The following CDH4 variants were observed in gnomAD, a reference collection of about 807,000 sequenced individuals.
CDH4 encodes the protein cadherin 4.
A neutral mutation model predicts 86.0 loss-of-function variants in CDH4; 33 were observed. The ratio of observed to expected loss-of-function variants is 0.38; its 90% CI spans 0.29 to 0.51. The LOEUF (loss-of-function observed/expected upper bound fraction) is 0.51. Ranked by LOEUF, CDH4 falls within the 20% of genes least tolerant of loss-of-function variation. The pLI is 0.86. For missense variants in CDH4, 1,114 were observed against 1,307.4 expected (o/e 0.85, Z 2.28); for synonymous variants, 555 against 549.4 (o/e 1.01, Z -0.14).
chr20:61,892,710 A>G (rs1003178147), intron 7 of CDH4, among the ~76,000 whole-genome samples: 3 of 152,216 alleles, frequency 2.0e-5, no homozygotes, highest in Non-Finnish European at 4.4e-5. Flanking sequence ...GCCTAAAACA[A>G]CCACCATTTA....
intron 7 of CDH4, among the ~76,000 whole-genome samples, chr20:61,876,190 C>T (rs932230671): frequency 1.3e-5 from 2 of 152,246 alleles, no homozygotes; most frequent in Admixed American, 1.3e-4. Context: ...TCTGGGATGG[C>T]CCCTTGCAGG....
At position 61,516,195 on chromosome 20, in the gene CDH4, C is replaced by T. The variant is rs1473743408; in HGVS notation, c.170-227368C>T. 6.6e-6 allele frequency among the ~76,000 whole-genome samples: 1 copy of T among 152,180 alleles called. No individual in the cohort carries two copies. The highest frequency in any genetic ancestry group is 2.4e-5 in the African/African-American group (1 of 41,438). ...AGGGGACGCTGGCCACCTCTCTTAC[C>T]CTAGAAGCTGCGGCAGGTGTCCGCC... is the stretch of plus-strand genomic sequence containing the variant. On this transcript the variant is annotated intron_variant, in intron 2 of 15. Coordinates refer to ENST00000614565, the MANE Select transcript of CDH4 (RefSeq NM_001794.5). The surrounding 1 kb of genome is among the most constrained non-coding windows in gnomAD (Gnocchi z 4.0).
Position 61,756,976 on chromosome 20 carries a change from G to A in CDH4, c.396+13187G>A, listed in dbSNP as rs114345750. Among the ~76,000 whole-genome samples, 1,479 of 152,320 alleles carry A rather than the reference G, an allele frequency of 9.7e-3. 9 individuals carry two copies. The highest frequency in any genetic ancestry group is 0.028 in the South Asian group (136 of 4,828). ...TCTCCCAAAAGGTGGCCCTCAACGG[G>A]ACTGAAAAACAGCAATTCTAGAATA... On this transcript the variant is annotated intron_variant, in intron 3 of 15. Transcript: ENST00000614565.
intron 2 of CDH4, among the ~76,000 whole-genome samples, chr20:61,735,746 A>G (rs2145931693): frequency 6.6e-6 from 1 of 152,154 alleles, no homozygotes; most frequent in East Asian, 1.9e-4. Flanking sequence ...CTTCCCTGAC[A>G]TTCCTCTCTT....
At chr20:61,363,901 G>A (rs1323468610) in intron 2 of CDH4, among the ~76,000 whole-genome samples, 1 of 152,184 alleles carries the variant, frequency 6.6e-6, no homozygotes, top group African/African-American at 2.4e-5. Flanking sequence ...AGTAGAACCC[G>A]TACTATGATA....
At chr20:61,474,470 G>A (rs1004245859) in intron 2 of CDH4, among the ~76,000 whole-genome samples, 35 of 151,652 alleles carry the variant, frequency 2.3e-4, no homozygotes, top group African/African-American at 8.0e-4. Flanking sequence ...CCACTGCACC[G>A]GCCAGAATAG....
chr20:61,254,423 G>A (rs1440330895), intron 1 of CDH4, among the ~76,000 whole-genome samples: 1 of 152,234 alleles, frequency 6.6e-6, no homozygotes, highest in Non-Finnish European at 1.5e-5. Context: ...CCTAAAGCGC[G>A]AATGGTCTGA....
chr20:61,430,883 T>C (rs2085242562), intron 2 of CDH4, among the ~76,000 whole-genome samples: 1 of 152,248 alleles, frequency 6.6e-6, no homozygotes, highest in Non-Finnish European at 1.5e-5. Context: ...AAGGAGCCTG[T>C]GTGTCCATTG....
intron 2 of CDH4, among the ~76,000 whole-genome samples, chr20:61,699,708 A>G (rs1014325518): frequency 6.6e-6 from 1 of 152,110 alleles, no homozygotes; most frequent in African/African-American, 2.4e-5. Context: ...CTGAAGACAA[A>G]TTAGAGGGGA....
intron 2 of CDH4, among the ~76,000 whole-genome samples, chr20:61,686,431 ATG>A (rs1568755387): frequency 6.9e-6 from 1 of 144,750 alleles, no homozygotes; most frequent in African/African-American, 2.6e-5. Flanking sequence ...TTGCGTGTGT[ATG>A]TGCGTGTGCG....
At chr20:61,693,231 T>C (rs1409836295) in intron 2 of CDH4, among the ~76,000 whole-genome samples, 2 of 152,152 alleles carry the variant, frequency 1.3e-5, no homozygotes, top group African/African-American at 2.4e-5. Flanking sequence ...GATGCTTTCC[T>C]GTGATGAAGG....
Position 61,709,098 on chromosome 20 carries a change from C to T in CDH4, c.170-34465C>T, listed in dbSNP as rs1436708762. On this transcript the variant is annotated intron_variant, in intron 2 of 15. Transcript: ENST00000614565. This position sits in a 1 kb window ranked among gnomAD's most constrained non-coding sequence, Gnocchi z 4.8. ...GGACACTGGCTGAGTTCACATCACC[C>T]CAAAGCCTCGGGTCCCAGTGGCGTA... Among the ~76,000 whole-genome samples, 1 of 152,130 alleles carries T rather than the reference C, an allele frequency of 6.6e-6. No individual in the cohort carries two copies. The highest frequency in any genetic ancestry group is 2.4e-5 in the African/African-American group (1 of 41,430).
chr20:61,851,277 G>A (rs893077350), intron 5 of CDH4, among the ~76,000 whole-genome samples: 1 of 152,216 alleles, frequency 6.6e-6, no homozygotes, highest in African/African-American at 2.4e-5. Flanking sequence ...GCCTCTTTGG[G>A]TAAAGCCAGC....
In CDH4 at chr20:61,739,477, CAA is replaced by C. The variant is rs2088307031; in HGVS notation, c.170-4082_170-4081del. The stretch of plus-strand genomic sequence containing the variant: ...CCAGGTACGAAGCCAGGGAATGAAA[CAA>C]AAACAGGTGATGTGAGGGGAGGGGT... On this transcript the variant is annotated intron_variant, in intron 2 of 15. Transcript: ENST00000614565. Among the ~76,000 whole-genome samples, 11 of 152,252 alleles carry C rather than the reference CAA, an allele frequency of 7.2e-5. 1 individual carries two copies. The South Asian group carries it at 2.1e-3, about 29-fold the overall frequency.
At chr20:61,920,754 G>A (rs1227615767) in intron 9 of CDH4, among the ~76,000 whole-genome samples, 1 of 151,536 alleles carries the variant, frequency 6.6e-6, no homozygotes, top group African/African-American at 2.4e-5. Flanking sequence ...TTGCATGGAA[G>A]CATGGTGTCA....
intron 1 of CDH4, among the ~76,000 whole-genome samples, chr20:61,254,289 C>CCGGCT (rs1443435268): frequency 1.3e-5 from 2 of 152,230 alleles, no homozygotes; most frequent in Admixed American, 1.3e-4. Context: ...CCTTCTTCGA[C>CCGGCT]CGGCTCCGGA....
At chr20:61,456,583 C>T (rs1260243237) in intron 2 of CDH4, among the ~76,000 whole-genome samples, 6 of 152,142 alleles carry the variant, frequency 3.9e-5, no homozygotes, top group South Asian at 2.1e-4. Flanking sequence ...GTGCTGGGGT[C>T]GGGAAACTCT....
chr20:61,803,270 G>T (rs571332171), intron 4 of CDH4, among the ~76,000 whole-genome samples: 3 of 152,286 alleles, frequency 2.0e-5, no homozygotes, highest in Non-Finnish European at 4.4e-5. Context: ...CAATCCGCCC[G>T]GGCTGGCAGT....
At chr20:61,640,042 T>C (rs2086988750) in intron 2 of CDH4, among the ~76,000 whole-genome samples, 1 of 152,166 alleles carries the variant, frequency 6.6e-6, no homozygotes, top group African/African-American at 2.4e-5. Context: ...GGAGAGCTGA[T>C]GGGAAAAAGA....
Sources: gnomAD v4.1 joint callset for allele counts (sites outside exome capture counted in the v4.1 genomes callset) on GRCh38, gnomAD v4.1.1 for gene constraint, Gnocchi (gnomAD v3.1) non-coding constraint, MANE v1.5 for transcripts, NCBI Gene and HGNC (gene_info 2026-07-23, HGNC 2026-07-21) for gene names.